The following NALF1 variants were observed in gnomAD, a reference collection of about 807,000 sequenced individuals.
NALF1 encodes family with sequence similarity 155 member A.
In NALF1, 3 loss-of-function variants were observed where a neutral mutation model predicts 48.4. The ratio of observed to expected loss-of-function variants is 0.06; its 90% CI spans 0.03 to 0.16. The LOEUF (loss-of-function observed/expected upper bound fraction) is 0.16, where lower values mean the gene tolerates loss of function less well. NALF1 is among the 10% of genes least tolerant of loss of function. NALF1 has a pLI of 1.00. For missense variants in NALF1, 526 were observed against 571.5 expected (o/e 0.92, Z 0.81); for synonymous variants, 262 against 245.7 (o/e 1.07, Z -0.62).
intron 1 of NALF1, among the ~76,000 whole-genome samples, chr13:107,504,763 A>G (rs1391395017): frequency 6.6e-6 from 1 of 152,174 alleles, no homozygotes; most frequent in African/African-American, 2.4e-5. Context: ...TCCAGTTGCC[A>G]TCATTGCATC....
intron 1 of NALF1, among the ~76,000 whole-genome samples, chr13:107,411,413 G>A (rs1025621765): frequency 6.6e-6 from 1 of 151,366 alleles, no homozygotes; most frequent in African/African-American, 2.4e-5. Context: ...CTATGCTCAA[G>A]TGATACTCCC....
At chr13:107,709,681 A>G (rs1178289050) in intron 1 of NALF1, among the ~76,000 whole-genome samples, 2 of 152,256 alleles carry the variant, frequency 1.3e-5, no homozygotes, top group South Asian at 2.1e-4. Flanking sequence ...AGTTGCATCA[A>G]TAGTCTCAAC....
chr13:107,740,723 T>C (rs948687120), intron 1 of NALF1, among the ~76,000 whole-genome samples: 2 of 152,230 alleles, frequency 1.3e-5, no homozygotes, highest in African/African-American at 4.8e-5. Context: ...TAAATGGGCA[T>C]CATTTTCCAT....
chr13:107,164,274 T>C lies in NALF1; in HGVS notation c.*6223A>G, dbSNP rs985328448. The stretch of plus-strand genomic sequence containing the variant: ...ATAGATACAAATCAATGAAATAATT[T>C]ACTCAAGAGCCCTGCTTAATCTATT... On this transcript the variant is annotated 3_prime_UTR_variant, in exon 3 of 3. Transcript: ENST00000375915. 6.6e-6 allele frequency: 1 copy of C among 152,220 alleles called. No homozygotes were observed. Among genetic ancestry groups the C allele is most frequent in the Non-Finnish European group, 1.5e-5 (1 of 68,038 alleles). 9.4% of individuals were successfully genotyped at this position (152,220 alleles called of 1,614,324 possible).
chr13:107,645,634 T>A (rs1414627378), intron 1 of NALF1, among the ~76,000 whole-genome samples: 1 of 146,320 alleles, frequency 6.8e-6, no homozygotes, highest in African/African-American at 2.6e-5. Context: ...CTGCAAGTTA[T>A]GAACTCAAAT....
chr13:107,270,667 T>A (rs1478112622), intron 1 of NALF1, among the ~76,000 whole-genome samples: 6 of 35,428 alleles, frequency 1.7e-4, no homozygotes, highest in Non-Finnish European at 7.3e-4. Flanking sequence ...ATATATATAT[T>A]TTTATTATTA....
rs546045038 is a variant in NALF1 at position 107,600,391 on chromosome 13, G to A, written c.915+265291C>T. ...AGATTTTCATCCCACAAGGAAAGACGCCAATTGTACAGAAAGTTAATAAAA... is the reference window on the plus strand; with the variant it reads ...AGATTTTCATCCCACAAGGAAAGACACCAATTGTACAGAAAGTTAATAAAA... On this transcript the variant is annotated intron_variant, in intron 1 of 2. Transcript: ENST00000375915. Among the ~76,000 whole-genome samples the A allele has an allele frequency of 3.3e-5, 5 of 152,178 alleles. No homozygotes were observed. The South Asian group carries it at 8.3e-4, about 25-fold the overall frequency.
chr13:107,676,848 T>C (rs928363463), intron 1 of NALF1, among the ~76,000 whole-genome samples: 13 of 152,236 alleles, frequency 8.5e-5, no homozygotes, highest in African/African-American at 3.1e-4. Flanking sequence ...AAAAATCATA[T>C]AAATCATCTC....
At chr13:107,499,840 T>C (rs1875460077) in intron 1 of NALF1, among the ~76,000 whole-genome samples, 1 of 152,198 alleles carries the variant, frequency 6.6e-6, no homozygotes, top group Non-Finnish European at 1.5e-5. Flanking sequence ...GATTTGTCCA[T>C]ACCTTATGCC....
chr13:107,590,678 T>C (rs1219791096), intron 1 of NALF1, among the ~76,000 whole-genome samples: 3 of 152,046 alleles, frequency 2.0e-5, no homozygotes, highest in Non-Finnish European at 4.4e-5. Flanking sequence ...TATACATCTA[T>C]CATGTGTGAA....
At chr13:107,268,497 C>T (rs1566469653) in intron 1 of NALF1, among the ~76,000 whole-genome samples, 1 of 152,262 alleles carries the variant, frequency 6.6e-6, no homozygotes, top group African/African-American at 2.4e-5. Flanking sequence ...GATTGTATCA[C>T]TGTCAGTATC....
intron 1 of NALF1, among the ~76,000 whole-genome samples, chr13:107,670,384 G>A (rs1037052292): frequency 1.3e-5 from 2 of 152,072 alleles, no homozygotes; most frequent in African/African-American, 2.4e-5. Context: ...CAAGAAAAGG[G>A]AACATAAGGG....
Position 107,168,504 on chromosome 13 carries a change from A to T in NALF1, c.*1993T>A, listed in dbSNP as rs2806520. On this transcript the variant is annotated 3_prime_UTR_variant, in exon 3 of 3. Coordinates refer to ENST00000375915, the MANE Select transcript of NALF1 (RefSeq NM_001080396.3). ...TTGCATTTGCAGAAAAAAAAATTTT[A>T]AAAAAGGAACAAAAACGGGAGAATT... 0.59 allele frequency: 90,329 copies of T among 152,312 alleles called. 27,004 individuals are homozygous for T. The highest frequency in any genetic ancestry group is 0.67 in the Middle Eastern group (196 of 294). 9.4% of individuals were successfully genotyped at this position (152,312 alleles called of 1,614,324 possible). A position where few individuals can be genotyped will look rare whatever the true frequency, so the allele number is the denominator to read the frequency against.
chr13:107,206,271 T>A (rs540415702), intron 2 of NALF1, among the ~76,000 whole-genome samples: 35 of 152,306 alleles, frequency 2.3e-4, no homozygotes, highest in African/African-American at 7.9e-4. Context: ...TAAGACAGAA[T>A]TGGAATTAAA....
At chr13:107,806,997 A>G (rs16971159) in intron 1 of NALF1, among the ~76,000 whole-genome samples, 8,317 of 152,176 alleles carry the variant, frequency 0.055, 782 homozygotes, top group African/African-American at 0.19. Flanking sequence ...GGTGAATTCC[A>G]ATGTGTTTGA....
intron 1 of NALF1, among the ~76,000 whole-genome samples, chr13:107,513,230 C>G (rs2139089156): frequency 6.6e-6 from 1 of 152,262 alleles, no homozygotes; most frequent in East Asian, 1.9e-4. Context: ...TACAAGCTTA[C>G]CAATTATCAC....
chr13:107,761,821 C>G (rs552212104), intron 1 of NALF1, among the ~76,000 whole-genome samples: 1 of 152,308 alleles, frequency 6.6e-6, no homozygotes, highest in African/African-American at 2.4e-5. Flanking sequence ...TCACCTTGGA[C>G]AAATCACTTA....
chr13:107,254,062 A>AAAAAAAAAATATATAT, intron 1 of NALF1, among the ~76,000 whole-genome samples: 1 of 138,682 alleles, frequency 7.2e-6, no homozygotes, highest in African/African-American at 2.7e-5. Context: ...CAAGTACTAA[A>AAAAAAAAAATATATAT]ATATATATAT....
chr13:107,362,407 T>C lies in NALF1; in HGVS notation c.916-151652A>G, dbSNP rs1883079075. Among the ~76,000 whole-genome samples the C allele has an allele frequency of 1.3e-5, 2 of 151,990 alleles. No homozygotes were observed. Among genetic ancestry groups the C allele is most frequent in the South Asian group, 4.2e-4 (2 of 4,818 alleles). Reference sequence around the variant, plus strand: ...CATGCTTCCTCTGAAACCTGTAGAGTAGCATCTTCGCTTGCCTCCTCCTGA... The same window carrying C: ...CATGCTTCCTCTGAAACCTGTAGAGCAGCATCTTCGCTTGCCTCCTCCTGA... On this transcript the variant is annotated intron_variant, in intron 1 of 2. Coordinates refer to ENST00000375915, the MANE Select transcript of NALF1 (RefSeq NM_001080396.3). The surrounding 1 kb of genome is among the most constrained non-coding windows in gnomAD (Gnocchi z 4.6).
Sources: allele counts gnomAD v4.1 joint callset (sites outside exome capture counted in the v4.1 genomes callset), GRCh38; gene constraint gnomAD v4.1.1; non-coding constraint Gnocchi (gnomAD v3.1); transcripts MANE v1.5; gene names NCBI Gene and HGNC (gene_info 2026-07-23, HGNC 2026-07-21).